Variants in FAM78B observed in about 807,000 individuals in gnomAD.
FAM78B encodes the protein family with sequence similarity 78 member B, also known as protein FAM78B.
Under a neutral mutation model 20.0 loss-of-function variants are expected in FAM78B, and 10 were observed. The observed-to-expected ratio is 0.50, with a 90% CI of 0.31 to 0.85. The LOEUF is 0.85. FAM78B is among the 40% of genes least tolerant of loss of function. The pLI is 0.05. For missense variants in FAM78B, 283 were observed against 345.0 expected (o/e 0.82, Z 1.42); for synonymous variants, 135 against 132.8 (o/e 1.02, Z -0.12).
chr1:166,059,853 G>C (rs753938435), exon 3 of FAM78B: 5 of 152,182 alleles, frequency 3.3e-5, no homozygotes, highest in African/African-American at 1.2e-4. Context: ...GAAATAATTC[G>C]CTGTGCTCTA....
intron 1 of FAM78B, among the ~76,000 whole-genome samples, chr1:166,116,399 T>C (rs1324694539): frequency 6.6e-6 from 1 of 152,214 alleles, no homozygotes; most frequent in Non-Finnish European, 1.5e-5. Flanking sequence ...TATTCCCACA[T>C]AGGCCAGGTT....
rs1656424194 is a variant in FAM78B, at chr1:166,166,873, C to G, written c.-625G>C. Reference sequence around the variant, plus strand: ...CGCCGGCCCCGCCCCGTAGCCGGACCACACCGACACTCCTCGGCCCGGCTG... The same window carrying G: ...CGCCGGCCCCGCCCCGTAGCCGGACGACACCGACACTCCTCGGCCCGGCTG... On this transcript the variant is annotated 5_prime_UTR_variant, in exon 1 of 2. Transcript: ENST00000354422. The G allele has an allele frequency of 1.3e-5, 2 of 151,822 alleles. No individual in the cohort carries two copies. Among genetic ancestry groups the G allele is most frequent in the African/African-American group, 2.4e-5 (1 of 41,360 alleles). 9.4% of individuals were successfully genotyped at this position (151,822 alleles called of 1,614,324 possible).
At chr1:166,084,288 A>G (rs987644834) in intron 1 of FAM78B, among the ~76,000 whole-genome samples, 1 of 144,400 alleles carries the variant, frequency 6.9e-6, no homozygotes, top group Non-Finnish European at 1.5e-5. Context: ...CTTTGCATAT[A>G]ATTTCATCTG....
intron 1 of FAM78B, among the ~76,000 whole-genome samples, chr1:166,114,645 G>A (rs1654189279): frequency 6.6e-6 from 1 of 152,222 alleles, no homozygotes; most frequent in Non-Finnish European, 1.5e-5. Context: ...CATTAGAACA[G>A]ATAGTGGGAG....
intron 1 of FAM78B, among the ~76,000 whole-genome samples, chr1:166,108,315 T>C (rs1189003557): frequency 6.6e-6 from 1 of 152,164 alleles, no homozygotes; most frequent in African/African-American, 2.4e-5. Context: ...ACAAGATTAA[T>C]GTACACCAAT....
chr1:166,102,748 C>A (rs1467289647), intron 1 of FAM78B, among the ~76,000 whole-genome samples: 1 of 152,164 alleles, frequency 6.6e-6, no homozygotes, highest in Non-Finnish European at 1.5e-5. Flanking sequence ...GACTCCCACA[C>A]AATAATAACG....
Position 166,117,070 on chromosome 1 carries a change from C to T in FAM78B, c.264-46307G>A, listed in dbSNP as rs1477717016. Among the ~76,000 whole-genome samples the T allele has an allele frequency of 2.0e-5, 3 of 152,156 alleles. No individual in the cohort carries two copies. The East Asian group carries it at 5.8e-4, about 29-fold the overall frequency. On this transcript the variant is annotated intron_variant, in intron 1 of 1. Coordinates refer to ENST00000354422, the MANE Select transcript of FAM78B (RefSeq NM_001017961.5). ...ATTCTCCTACTTTGACAACTATATCCTCATATCTGGAAGACCAAATTCAAA... is the reference window on the plus strand; with the variant it reads ...ATTCTCCTACTTTGACAACTATATCTTCATATCTGGAAGACCAAATTCAAA...
At chr1:166,082,414 C>A (rs1393083998) in intron 1 of FAM78B, among the ~76,000 whole-genome samples, 2 of 152,184 alleles carry the variant, frequency 1.3e-5, no homozygotes, top group Non-Finnish European at 2.9e-5. Flanking sequence ...CTACCTTTCC[C>A]AGGCTGGTCT....
intron 1 of FAM78B, among the ~76,000 whole-genome samples, chr1:166,141,212 C>T (rs1004363111): frequency 1.1e-4 from 16 of 152,274 alleles, no homozygotes; most frequent in South Asian, 2.1e-4. Context: ...CAATGTGCAA[C>T]GTACATAGGT....
rs547104494 is a variant in FAM78B at position 166,110,671 on chromosome 1, C to T, written c.264-39908G>A. On this transcript the variant is annotated intron_variant, in intron 1 of 1. Transcript: ENST00000354422. ...GATGGTATCCAGCTTTGAATGGAGC[C>T]ACACAGGGAGACCTGAGGAGTCTCT... 2.4e-4 allele frequency among the ~76,000 whole-genome samples: 36 copies of T among 152,196 alleles called. 2 individuals carry two copies. In the South Asian group the frequency reaches 7.5e-3, roughly 32 times the overall value.
intron 1 of FAM78B, among the ~76,000 whole-genome samples, chr1:166,092,314 G>A (rs148038495): frequency 6.6e-6 from 1 of 152,286 alleles, no homozygotes; most frequent in East Asian, 1.9e-4. Context: ...TCCAGTGGGG[G>A]ATGCTGAGTT....
intron 1 of FAM78B, among the ~76,000 whole-genome samples, chr1:166,141,267 T>G (rs1396614029): frequency 1.3e-5 from 2 of 152,194 alleles, no homozygotes; most frequent in African/African-American, 4.8e-5. Context: ...ATAGACAAGA[T>G]GCATGTACAG....
downstream of FAM78B, among the ~76,000 whole-genome samples, chr1:166,066,720 T>C (rs1445985714): frequency 6.6e-6 from 1 of 152,188 alleles, no homozygotes; most frequent in African/African-American, 2.4e-5. Flanking sequence ...TTTATTTTAC[T>C]GATCAGAATT....
intron 1 of FAM78B, among the ~76,000 whole-genome samples, chr1:166,077,816 TTATA>T (rs1309153099): frequency 8.8e-6 from 1 of 114,284 alleles, no homozygotes; most frequent in Non-Finnish European, 1.7e-5. Flanking sequence ...TATATGTAGA[TTATA>T]TATAAATATA....
chr1:166,072,266 G>A (rs1357088485), intron 1 of FAM78B, among the ~76,000 whole-genome samples: 1 of 152,136 alleles, frequency 6.6e-6, no homozygotes, highest in African/African-American at 2.4e-5. Context: ...TACCTCCTAG[G>A]CCAGTCAGCC....
intron 1 of FAM78B, among the ~76,000 whole-genome samples, chr1:166,150,695 G>T (rs1008219636): frequency 2.0e-5 from 3 of 152,174 alleles, no homozygotes; most frequent in Non-Finnish European, 2.9e-5. Flanking sequence ...TCAAATGATA[G>T]ATCAAACATA....
chr1:166,127,926 C>T (rs969130906), intron 1 of FAM78B, among the ~76,000 whole-genome samples: 3 of 152,048 alleles, frequency 2.0e-5, no homozygotes, highest in Admixed American at 6.5e-5. Flanking sequence ...CACACACTGA[C>T]GATTATTTTA....
chr1:166,154,224 T>G (rs1287832910), intron 1 of FAM78B, among the ~76,000 whole-genome samples: 1 of 152,142 alleles, frequency 6.6e-6, no homozygotes, highest in East Asian at 1.9e-4. Context: ...ATACCTTGCC[T>G]GTGTGTGGGT....
At chr1:166,091,476 C>T (rs998458191) in intron 1 of FAM78B, among the ~76,000 whole-genome samples, 6 of 152,196 alleles carry the variant, frequency 3.9e-5, no homozygotes, top group East Asian at 1.9e-4. Context: ...CCATCCAAGA[C>T]GTGATTAGCT....
Sources: allele counts gnomAD v4.1 joint callset (sites outside exome capture counted in the v4.1 genomes callset), GRCh38; gene constraint gnomAD v4.1.1; transcripts MANE v1.5; gene names NCBI Gene and HGNC (gene_info 2026-07-23, HGNC 2026-07-21).